The following KIFAP3 variants were observed in gnomAD, a reference collection of about 807,000 sequenced individuals.
KIFAP3 encodes the protein kinesin associated protein 3.
A neutral mutation model predicts 106.5 loss-of-function variants in KIFAP3; 68 were observed. The observed-to-expected ratio is 0.64, with a 90% confidence interval of 0.53 to 0.78. The LOEUF is 0.78. KIFAP3 is among the 30% of genes least tolerant of loss of function. The pLI is 0.00. For synonymous variants in KIFAP3, 320 were observed against 311.5 expected (o/e 1.03, Z -0.29); for missense variants, 780 against 941.8 (o/e 0.83, Z 2.25).
chr1:169,951,109 T>C (rs537942920), intron 19 of KIFAP3, among the ~76,000 whole-genome samples: 3 of 151,934 alleles, frequency 2.0e-5, no homozygotes, highest in Non-Finnish European at 4.4e-5. Flanking sequence ...TTTGGCTATA[T>C]TGTGTAATCC....
intron 7 of KIFAP3, among the ~76,000 whole-genome samples, chr1:170,033,881 C>T (rs1006066219): frequency 1.3e-5 from 2 of 151,794 alleles, no homozygotes; most frequent in Non-Finnish European, 3.0e-5. Context: ...TTCACAGGTT[C>T]TATTATTCTA....
chr1:169,943,473 T>A (rs528551583), intron 19 of KIFAP3, among the ~76,000 whole-genome samples: 5 of 152,146 alleles, frequency 3.3e-5, no homozygotes, highest in Non-Finnish European at 7.4e-5. Flanking sequence ...ACACTCATAT[T>A]TAAAGGAAAT....
In KIFAP3 at chr1:170,005,157, G is replaced by C. The variant is rs1365053592; in HGVS notation, c.1183+11305C>G. ...GAAATGCAAATCAAAACCACAATGA[G>C]ATACCATCTCACACCAGTTAGAATG... On this transcript the variant is annotated intron_variant, in intron 10 of 19. Coordinates refer to ENST00000361580, the MANE Select transcript of KIFAP3 (RefSeq NM_014970.4). Among the ~76,000 whole-genome samples, 9 of 151,370 alleles carry C rather than the reference G, an allele frequency of 5.9e-5. No individual in the cohort carries two copies. The East Asian group carries it at 1.7e-3, about 29-fold the overall frequency.
intron 1 of KIFAP3, 56 bp from the exon 2 acceptor site, chr1:170,055,492 G>A: frequency 7.1e-7 from 1 of 1,412,802 alleles, no homozygotes; most frequent in Non-Finnish European, 9.6e-7. Context: ...AGTGGCCATG[G>A]TTTTTATCTA....
At chr1:170,061,272 G>A (rs1671137750) in intron 1 of KIFAP3, among the ~76,000 whole-genome samples, 1 of 152,024 alleles carries the variant, frequency 6.6e-6, no homozygotes, top group Non-Finnish European at 1.5e-5. Context: ...ATCTGACAAA[G>A]GGCTAATATC....
intron 2 of KIFAP3, among the ~76,000 whole-genome samples, chr1:170,054,952 T>C (rs1303607037): frequency 1.3e-5 from 2 of 152,196 alleles, no homozygotes; most frequent in African/African-American, 2.4e-5. Flanking sequence ...TTTCTGCACA[T>C]GTATCACAGA....
chr1:170,022,214 T>G (rs150576510), intron 9 of KIFAP3, among the ~76,000 whole-genome samples: 9,573 of 151,996 alleles, frequency 0.063, 384 homozygotes, highest in Non-Finnish European at 0.095. Context: ...CTCCCAAAGT[T>G]CTGGGATTAC....
At chr1:169,942,908 A>ACAC (rs1384389570) in intron 19 of KIFAP3, among the ~76,000 whole-genome samples, 5 of 26,806 alleles carry the variant, frequency 1.9e-4, no homozygotes, top group South Asian at 1.7e-3. Context: ...AGTTTTAAAG[A>ACAC]CGCCCCCCCC....
At chr1:170,079,332 G>A (rs1326958619), upstream of KIFAP3, among the ~76,000 whole-genome samples, 1 of 152,078 alleles carries the variant, frequency 6.6e-6, no homozygotes, top group Non-Finnish European at 1.5e-5. Flanking sequence ...GCAGATACTG[G>A]CCCCCTACTT....
intron 3 of KIFAP3, among the ~76,000 whole-genome samples, chr1:170,041,436 G>A (rs956510810): frequency 9.9e-5 from 15 of 152,194 alleles, no homozygotes; most frequent in African/African-American, 3.4e-4. Context: ...GAGCCCAGGA[G>A]TTTGAGACTA....
At chr1:169,931,157 T>C (rs1040484623) in intron 19 of KIFAP3, among the ~76,000 whole-genome samples, 7 of 152,202 alleles carry the variant, frequency 4.6e-5, no homozygotes, top group African/African-American at 1.7e-4. Flanking sequence ...TGAACTCAGG[T>C]GATCCGCCTG....
At chr1:169,942,910 G>GCCCCCCCC (rs11396543) in intron 19 of KIFAP3, among the ~76,000 whole-genome samples, 8 of 105,804 alleles carry the variant, frequency 7.6e-5, no homozygotes, top group Non-Finnish European at 9.6e-5. Flanking sequence ...TTTTAAAGAC[G>GCCCCCCCC]CCCCCCCCCA....
At chr1:170,002,839 C>A (rs1158022323) in intron 10 of KIFAP3, among the ~76,000 whole-genome samples, 2 of 152,150 alleles carry the variant, frequency 1.3e-5, no homozygotes, top group Non-Finnish European at 2.9e-5. Flanking sequence ...ATTGGTAACA[C>A]TACTAATTCC....
At chr1:170,044,766 A>C (rs966690820) in intron 3 of KIFAP3, among the ~76,000 whole-genome samples, 8 of 152,200 alleles carry the variant, frequency 5.3e-5, no homozygotes, top group Non-Finnish European at 1.2e-4. Context: ...AGGATTCTAC[A>C]GTGCCCATTA....
At chr1:170,014,027 C>T (rs971245792) in intron 10 of KIFAP3, among the ~76,000 whole-genome samples, 13 of 152,138 alleles carry the variant, frequency 8.5e-5, no homozygotes, top group African/African-American at 2.7e-4. Flanking sequence ...ATTTCACCTA[C>T]GATATATCCC....
intron 16 of KIFAP3, among the ~76,000 whole-genome samples, chr1:169,973,232 G>A (rs1666028728): frequency 6.8e-6 from 1 of 147,504 alleles, no homozygotes; most frequent in Non-Finnish European, 1.5e-5. Flanking sequence ...GATAACAAAA[G>A]AGTAAATGGA....
chr1:170,014,522 C>T (rs974038083), intron 10 of KIFAP3, among the ~76,000 whole-genome samples: 2 of 152,130 alleles, frequency 1.3e-5, no homozygotes, highest in Non-Finnish European at 2.9e-5. Flanking sequence ...ATATCCATTT[C>T]AAATGAAATC....
intron 19 of KIFAP3, among the ~76,000 whole-genome samples, chr1:169,942,322 TG>T: frequency 6.6e-6 from 1 of 152,354 alleles, no homozygotes; most frequent in East Asian, 1.9e-4. Context: ...ACTCAATTTA[TG>T]GAGTCTTGGA....
intron 11 of KIFAP3, among the ~76,000 whole-genome samples, chr1:169,988,603 G>T (rs1666954003): frequency 6.6e-6 from 1 of 151,880 alleles, no homozygotes; most frequent in African/African-American, 2.4e-5. Flanking sequence ...AAGCCTTATT[G>T]ATATTATATA....
Sources: allele counts gnomAD v4.1 joint callset (sites outside exome capture counted in the v4.1 genomes callset), GRCh38; gene constraint gnomAD v4.1.1; transcripts MANE v1.5; gene names NCBI Gene and HGNC (gene_info 2026-07-23, HGNC 2026-07-21).